The following MOXD1 variants were observed in gnomAD, a reference collection of about 807,000 sequenced individuals.
The protein encoded by MOXD1 is DBH-like monooxygenase protein 1.
MOXD1 carries 62 observed loss-of-function variants against 66.6 expected under a neutral mutation model. That is an observed-to-expected ratio of 0.93 (90% CI 0.76 to 1.15). The LOEUF (loss-of-function observed/expected upper bound fraction) is 1.15, where lower values mean the gene tolerates loss of function less well. Ranked by LOEUF, MOXD1 falls within the 50% of genes most tolerant of loss-of-function variation. MOXD1 has a pLI of 0.00. For missense variants in MOXD1, 847 were observed against 754.6 expected (o/e 1.12, Z -1.44); for synonymous variants, 303 against 281.9 (o/e 1.07, Z -0.75).
At chr6:132,399,422 T>C (rs1000808914) in intron 1 of MOXD1, among the ~76,000 whole-genome samples, 1 of 152,248 alleles carries the variant, frequency 6.6e-6, no homozygotes, top group African/African-American at 2.4e-5. Flanking sequence ...CTAATTACTT[T>C]AAGAAAATTT....
At chr6:132,322,141 T>C (rs756893132) in intron 8 of MOXD1, among the ~76,000 whole-genome samples, 22 of 152,220 alleles carry the variant, frequency 1.4e-4, no homozygotes, top group Non-Finnish European at 3.1e-4. Flanking sequence ...TATAACCTTT[T>C]TAAAGCCTTC....
rs75918837 is a variant in MOXD1 at position 132,389,549 on chromosome 6, C to G, written c.264+11614G>C. Among the ~76,000 whole-genome samples the G allele has an allele frequency of 1.5e-3, 233 of 151,604 alleles. 8 individuals are homozygous for G. In the East Asian group the frequency reaches 0.042, roughly 27 times the overall value. On this transcript the variant is annotated intron_variant, in intron 1 of 11. Coordinates refer to ENST00000367963, the MANE Select transcript of MOXD1 (RefSeq NM_015529.4). ...ATATATTAATGCCTGTGTCCACCTC[C>G]CAAGGATTGTGCTTTGACTGGTGGG...
At chr6:132,322,615 A>G (rs1200010814) in intron 8 of MOXD1, 64 bp downstream of exon 8, 2 of 1,506,994 alleles carry the variant, frequency 1.3e-6, no homozygotes, top group African/African-American at 1.4e-5. Flanking sequence ...ACCTTGCCAC[A>G]TCTCAGCAGA....
intron 4 of MOXD1, among the ~76,000 whole-genome samples, chr6:132,349,956 T>A (rs1345069746): frequency 6.6e-6 from 1 of 152,220 alleles, no homozygotes; most frequent in African/African-American, 2.4e-5. Flanking sequence ...CTTAGCCTAC[T>A]TTTTGATGGG....
chr6:132,320,703 C>T lies in MOXD1; in HGVS notation c.1306-15G>A, dbSNP rs1376439329. The T allele has an allele frequency of 6.2e-7, 1 of 1,602,530 alleles. No individual in the cohort carries two copies. Among genetic ancestry groups the T allele is most frequent in the Non-Finnish European group, 8.5e-7 (1 of 1,174,380 alleles). The stretch of plus-strand genomic sequence containing the variant: ...AGGTTATCTCCCTGAAACATAAAAG[C>T]AAAAGCTTTCAGATTGAAGTTTTAT... On this transcript the variant is annotated splice_polypyrimidine_tract_variant and intron_variant, in intron 8 of 11. Transcript: ENST00000367963.
chr6:132,301,456 C>T (rs1774534764), intron 10 of MOXD1, among the ~76,000 whole-genome samples: 2 of 152,060 alleles, frequency 1.3e-5, no homozygotes, highest in African/African-American at 4.8e-5. Context: ...GATTTTTATA[C>T]TTGGTCCCTC....
In MOXD1 at chr6:132,297,314, G is replaced by T; in HGVS notation, c.1681C>A (p.Gln561Lys). ...TCTGGAGGTAATGCTGTCATTCCTT[G>T]AATCTGAAAATGGAAGCACAAACAA... ...SKTDNAEWSI[Q>K]GMTALPPDIE... The change falls in exon 12 of 12, where the codon CAA becomes AAA. Residue 561 changes from glutamine (Q) to lysine (K), a missense_variant. By Grantham distance (53) the Gln-to-Lys change is moderately conservative. Coordinates refer to ENST00000367963, the MANE Select transcript of MOXD1 (RefSeq NM_015529.4). The T allele has an allele frequency of 6.2e-7, 1 of 1,612,290 alleles. No homozygotes were observed. Among genetic ancestry groups the T allele is most frequent in the Non-Finnish European group, 8.5e-7 (1 of 1,179,044 alleles).
intron 1 of MOXD1, among the ~76,000 whole-genome samples, chr6:132,379,901 G>A (rs1776475635): frequency 6.6e-6 from 1 of 152,032 alleles, no homozygotes; most frequent in African/African-American, 2.4e-5. Flanking sequence ...GCTCACTGCA[G>A]CCTCATCCTC....
chr6:132,323,577 T>C (rs1775125619), intron 7 of MOXD1, among the ~76,000 whole-genome samples: 1 of 151,706 alleles, frequency 6.6e-6, no homozygotes, highest in South Asian at 2.1e-4. Context: ...AAAATGAAAA[T>C]AAATGATGGA....
intron 4 of MOXD1, among the ~76,000 whole-genome samples, chr6:132,349,365 A>ATG (rs56972434): frequency 1.8e-4 from 1 of 5,480 alleles, no homozygotes; most frequent in Non-Finnish European, 2.4e-4. Context: ...ATATTCCATC[A>ATG]TATATATATA....
Position 132,374,627 on chromosome 6 carries a change from T to C in MOXD1, c.411+4A>G. On this transcript the variant is annotated splice_donor_region_variant and intron_variant, in intron 2 of 11. Transcript: ENST00000367963. ...ATGCATGCATTCACTCATAGATGCCTTACCGTTATACTCTTGTCATTTATG... is the reference window on the plus strand; with the variant it reads ...ATGCATGCATTCACTCATAGATGCCCTACCGTTATACTCTTGTCATTTATG... The C allele has an allele frequency of 6.2e-7, 1 of 1,613,450 alleles. No individual in the cohort carries two copies. The highest frequency in any genetic ancestry group is 8.5e-7 in the Non-Finnish European group (1 of 1,179,884).
At chr6:132,349,474 TATATATACATATATATATATAC>T (rs1775756823) in intron 4 of MOXD1, among the ~76,000 whole-genome samples, 1 of 39,192 alleles carries the variant, frequency 2.6e-5, no homozygotes, top group Admixed American at 3.6e-4. Flanking sequence ...TACATATATA[TATATATACATATATATATATAC>T]CACAGTTTCT....
intron 10 of MOXD1, among the ~76,000 whole-genome samples, chr6:132,301,693 CAT>C (rs1206010078): frequency 1.3e-5 from 2 of 152,062 alleles, no homozygotes; most frequent in Non-Finnish European, 2.9e-5. Context: ...AGCAAGTAAA[CAT>C]GTGATCAAAA....
chr6:132,340,164 C>T (rs920130384), intron 4 of MOXD1, among the ~76,000 whole-genome samples: 5 of 151,996 alleles, frequency 3.3e-5, no homozygotes, highest in African/African-American at 1.2e-4. Context: ...ATTACAGGTG[C>T]GAGCCACCGC....
At chr6:132,362,419 G>T (rs752911241) in intron 4 of MOXD1, among the ~76,000 whole-genome samples, 2 of 152,078 alleles carry the variant, frequency 1.3e-5, no homozygotes, top group Non-Finnish European at 2.9e-5. Context: ...GAGGCATTGT[G>T]GTGCAGTCAC....
intron 9 of MOXD1, among the ~76,000 whole-genome samples, chr6:132,320,073 A>G (rs956035442): frequency 5.9e-5 from 9 of 152,170 alleles, no homozygotes; most frequent in Non-Finnish European, 7.4e-5. Context: ...CTTTTATACT[A>G]TCCTTGTGAA....
At chr6:132,393,125 G>A (rs1271489584) in intron 1 of MOXD1, among the ~76,000 whole-genome samples, 1 of 151,524 alleles carries the variant, frequency 6.6e-6, no homozygotes, top group Non-Finnish European at 1.5e-5. Flanking sequence ...ATTACCAACT[G>A]CTTCCAACTC....
chr6:132,299,887 T>TCC (rs1360196638), intron 10 of MOXD1, among the ~76,000 whole-genome samples: 7 of 146,254 alleles, frequency 4.8e-5, no homozygotes, highest in Non-Finnish European at 7.6e-5. Context: ...CATTTCTCTC[T>TCC]CCCTCTCTCT....
At chr6:132,390,295 A>G (rs1442507382) in intron 1 of MOXD1, 1 of 151,548 alleles carries the variant, frequency 6.6e-6, no homozygotes, top group Admixed American at 6.6e-5. Flanking sequence ...TTCATAGTAC[A>G]TAATGCTTTG....
Sources: gnomAD v4.1 joint callset for allele counts (sites outside exome capture counted in the v4.1 genomes callset) on GRCh38, gnomAD v4.1.1 for gene constraint, MANE v1.5 for transcripts, NCBI Gene and HGNC (gene_info 2026-07-23, HGNC 2026-07-21) for gene names.